The following ZNF778 variants were observed in gnomAD, a reference collection of about 807,000 sequenced individuals.
ZNF778 encodes the protein zinc finger protein 778.
Under a neutral mutation model 23.9 loss-of-function variants are expected in ZNF778, and 37 were observed. The observed-to-expected ratio is 1.54, with a 90% CI of 1.19 to 2.03. The LOEUF is 2.03. Ranked by LOEUF, ZNF778 falls within the 30% of genes most tolerant of loss-of-function variation. The pLI, the probability that ZNF778 is intolerant of heterozygous loss-of-function variation, is 0.00. For missense variants in ZNF778, 1,297 were observed against 934.4 expected (o/e 1.39, Z -5.06); for synonymous variants, 483 against 343.9 (o/e 1.40, Z -4.48).
Position 89,227,464 on chromosome 16 carries a change from C to A in ZNF778, c.1176C>A (p.Pro392=). The change falls in exon 7 of 7, where the codon CCC becomes CCA. Residue 392 remains proline, a synonymous_variant. Coordinates refer to ENST00000433976, the MANE Select transcript of ZNF778 (RefSeq NM_001201407.2). ...GAAAAACTCACACGAGGGAGAAGCC[C>A]TTTGCATGTGTGGTTTGCGGAAAAT... The part of the protein sequence containing the change: ...EHGKTHTREK[P]FACVVCGKYF... 6.2e-7 allele frequency: 1 copy of A among 1,613,764 alleles called. No individual in the cohort carries two copies. Among genetic ancestry groups the A allele is most frequent in the Admixed American group, 1.7e-5 (1 of 59,978 alleles).
chr16:89,227,314 C>T lies in ZNF778; in HGVS notation c.1026C>T (p.Cys342=), dbSNP rs200541139. ...AAEKPCECKE[C]GKAFTGLSGL... ...AGAAACCCTGTGAATGTAAAGAATG[C>T]GGAAAAGCCTTCACTGGACTCTCAG... The change falls in exon 7 of 7, where the codon TGC becomes TGT. Residue 342 remains cysteine, a synonymous_variant. Transcript: ENST00000433976. 1.1e-3 allele frequency: 1,779 copies of T among 1,613,810 alleles called. 4 individuals carry two copies. The highest frequency in any genetic ancestry group is 1.1e-3 in the East Asian group (50 of 44,870).
In ZNF778 at chr16:89,233,669, A is replaced by G. The variant is rs1411962705; in HGVS notation, c.*5107A>G. The G allele has an allele frequency of 4.7e-6, 6 of 1,284,812 alleles. No individual in the cohort carries two copies. Among genetic ancestry groups the G allele is most frequent in the Admixed American group, 2.3e-5 (1 of 43,240 alleles). The allele number at this position is 1,284,812 out of a possible 1,614,324, so 79.6% of individuals were successfully genotyped here. ...GCTCTGCATATGCAATTCAACTCGC[A>G]CTGCGTATGCAAATCAACTTACTGC... On this transcript the variant is annotated 3_prime_UTR_variant, in exon 7 of 7. Transcript: ENST00000433976.
At position 89,225,766 on chromosome 16, in the gene ZNF778, C is replaced by T. The variant is rs2031422078; in HGVS notation, c.405+135C>T. 3.8e-6 allele frequency: 3 copies of T among 796,524 alleles called. No individual in the cohort carries two copies. In the African/African-American group the frequency reaches 5.3e-5, roughly 14 times the overall value. 49.3% of individuals were successfully genotyped at this position (796,524 alleles called of 1,614,324 possible). A position where few individuals can be genotyped will look rare whatever the true frequency, so the allele number is the denominator to read the frequency against. ...AGGCAGGGGTTGTCTGTAGAGAACA[C>T]TCTGAATGTGCGGAATTTGGGAGGA... On this transcript the variant is annotated intron_variant, in intron 6 of 6. Coordinates refer to ENST00000433976, the MANE Select transcript of ZNF778 (RefSeq NM_001201407.2).
chr16:89,231,124 T>C lies in ZNF778; in HGVS notation c.*2562T>C, dbSNP rs1427565538. 2 of 152,296 alleles carry C rather than the reference T, an allele frequency of 1.3e-5. No homozygotes were observed. Among genetic ancestry groups the C allele is most frequent in the African/African-American group, 2.4e-5 (1 of 41,460 alleles). The allele number at this position is 152,296 out of a possible 1,614,324, so 9.4% of individuals were successfully genotyped here. A position where few individuals can be genotyped will look rare whatever the true frequency, so the allele number is the denominator to read the frequency against. On this transcript the variant is annotated 3_prime_UTR_variant, in exon 7 of 7. Coordinates refer to ENST00000433976, the MANE Select transcript of ZNF778 (RefSeq NM_001201407.2). ...GTTGTGCCATGTTTCTCTTGTGGGA[T>C]TGAGTGTGGCTATTTAGCTCATCTG...
In ZNF778 at chr16:89,227,737, G is replaced by C; in HGVS notation, c.1449G>C (p.Gly483=). The C allele has an allele frequency of 6.2e-7, 1 of 1,613,792 alleles. No individual in the cohort carries two copies. Among genetic ancestry groups the C allele is most frequent in the Non-Finnish European group, 8.5e-7 (1 of 1,179,906 alleles). ...GEKPYECKDC[G]KSFTVSSSLT... is the part of the protein sequence containing the mutation. ...AACCATATGAATGTAAAGATTGTGG[G>C]AAATCCTTCACTGTTTCTTCAAGCC... is the stretch of plus-strand genomic sequence containing the variant. Residue 483 remains glycine, a synonymous_variant, in exon 7 of 7, where the codon GGG becomes GGC. Transcript: ENST00000433976.
At position 89,228,543 on chromosome 16, in the gene ZNF778, C is replaced by G; in HGVS notation, c.2255C>G (p.Thr752Ser). The change falls in exon 7 of 7, where the codon ACT becomes AGT. Residue 752 changes from threonine (T) to serine (S), a missense_variant. Physicochemically the swap from Thr to Ser is moderately conservative, Grantham distance 58. Transcript: ENST00000433976. ...CTTAACCATCACACTCAAATTCACACTGATGAGAAACCTTTCTAATGTAAA... is the reference window on the plus strand; with the variant it reads ...CTTAACCATCACACTCAAATTCACAGTGATGAGAAACCTTTCTAATGTAAA... Reference protein sequence around the residue: ...SCLNHHTQIHTDEKPF With the variant: ...SCLNHHTQIHSDEKPF The G allele has an allele frequency of 6.3e-7, 1 of 1,588,894 alleles. No homozygotes were observed. Among genetic ancestry groups the G allele is most frequent in the African/African-American group, 1.4e-5 (1 of 73,766 alleles).
rs527406821 is a variant in ZNF778 at position 89,228,410 on chromosome 16, A to C, written c.2122A>C (p.Lys708Gln). 21 of 1,613,880 alleles carry C rather than the reference A, an allele frequency of 1.3e-5. No individual in the cohort carries two copies. In the East Asian group the frequency reaches 4.5e-4, roughly 34 times the overall value. The change falls in exon 7 of 7, where the codon AAA (lysine) becomes CAA (glutamine). Residue 708 changes from lysine to glutamine, a missense_variant. Physicochemically the swap from Lys to Gln is moderately conservative, Grantham distance 53 (BLOSUM62 1). Transcript: ENST00000433976. ...QKPYKCKECG[K>Q]AYNRFYLLKE... is the part of the protein sequence containing the mutation. The stretch of plus-strand genomic sequence containing the variant: ...ACCCTATAAATGTAAGGAATGTGGG[A>C]AAGCATACAATAGGTTTTATCTACT...
chr16:89,233,606 C>CGT lies in ZNF778; in HGVS notation c.*5044_*5045insGT, dbSNP rs2032116486. On this transcript the variant is annotated 3_prime_UTR_variant, in exon 7 of 7. Coordinates refer to ENST00000433976, the MANE Select transcript of ZNF778 (RefSeq NM_001201407.2). ...ATGCAACGCAACTCAACTCATACTG[C>CGT]ATATGCAACTCAACTCACACTGTAT... is the stretch of plus-strand genomic sequence containing the variant. The CGT allele has an allele frequency of 8.8e-7, 1 of 1,130,678 alleles. No homozygotes were observed. Among genetic ancestry groups the CGT allele is most frequent in the Non-Finnish European group, 1.2e-6 (1 of 865,030 alleles). 70.0% of individuals were successfully genotyped at this position (1,130,678 alleles called of 1,614,324 possible). A position where few individuals can be genotyped will look rare whatever the true frequency, so the allele number is the denominator to read the frequency against.
Position 89,232,615 on chromosome 16 carries a change from TA to T in ZNF778, c.*4054del. 1.7e-6 allele frequency: 2 copies of T among 1,193,418 alleles called. No homozygotes were observed. Among genetic ancestry groups the T allele is most frequent in the Non-Finnish European group, 2.1e-6 (2 of 945,134 alleles). The allele number at this position is 1,193,418 out of a possible 1,614,324, so 73.9% of individuals were successfully genotyped here. On this transcript the variant is annotated 3_prime_UTR_variant, in exon 7 of 7. Transcript: ENST00000433976. The stretch of plus-strand genomic sequence containing the variant: ...GAGGGTTCCTCAGAGTAAGATAAAA[TA>T]TTAAAGGACCAATTGTATTAATTAT...
At chr16:89,221,193 G>T in intron 2 of ZNF778, 41 bp downstream of exon 2, 1 of 1,466,844 alleles carries the variant, frequency 6.8e-7, no homozygotes, top group Non-Finnish European at 9.1e-7. Context: ...CTCTGCTCTA[G>T]GTCCTGATAC....
rs760056906 is a variant in ZNF778 at position 89,228,331 on chromosome 16, C to A, written c.2043C>A (p.Ala681=). 3 of 1,613,788 alleles carry A rather than the reference C, an allele frequency of 1.9e-6. No homozygotes were observed. Among genetic ancestry groups the A allele is most frequent in the Non-Finnish European group, 1.7e-6 (2 of 1,179,748 alleles). The change falls in exon 7 of 7, where the codon GCC becomes GCA. Residue 681 remains alanine (A), a synonymous_variant. Coordinates refer to ENST00000433976, the MANE Select transcript of ZNF778 (RefSeq NM_001201407.2). ...ACATATGTAACGAGTGTGGGAAAGCCTTCCGTGCCTCCTCTCACCTGCATA... is the reference window on the plus strand; with the variant it reads ...ACATATGTAACGAGTGTGGGAAAGCATTCCGTGCCTCCTCTCACCTGCATA... ...KPYICNECGK[A]FRASSHLHKH...
chr16:89,222,726 C>G (rs1248937645), intron 3 of ZNF778, among the ~76,000 whole-genome samples: 3 of 152,218 alleles, frequency 2.0e-5, no homozygotes, highest in Non-Finnish European at 4.4e-5. Flanking sequence ...GCTTAGTGCT[C>G]TGACACATGG....
At chr16:89,219,218 C>A (rs1010454664) in intron 1 of ZNF778, among the ~76,000 whole-genome samples, 1 of 152,224 alleles carries the variant, frequency 6.6e-6, no homozygotes, top group African/African-American at 2.4e-5. Flanking sequence ...ATTTTGGGGA[C>A]TAAGAGCCCT....
chr16:89,223,653 G>A (rs980081053), intron 4 of ZNF778, among the ~76,000 whole-genome samples: 7 of 152,210 alleles, frequency 4.6e-5, no homozygotes, highest in African/African-American at 1.4e-4. Flanking sequence ...TTGCACTTCT[G>A]TTATTTCCTA....
In ZNF778 at chr16:89,232,183, G is replaced by A. The variant is rs1403939817; in HGVS notation, c.*3621G>A. Reference sequence around the variant, plus strand: ...TGGTTGGATACCATTCATTCTTGCTGTGTCAAGCCTGGATTGGTTTGTAGG... The same window carrying A: ...TGGTTGGATACCATTCATTCTTGCTATGTCAAGCCTGGATTGGTTTGTAGG... On this transcript the variant is annotated 3_prime_UTR_variant, in exon 7 of 7. Transcript: ENST00000433976. 1.2e-5 allele frequency: 2 copies of A among 167,162 alleles called. No individual in the cohort carries two copies. Among genetic ancestry groups the A allele is most frequent in the African/African-American group, 2.4e-5 (1 of 41,648 alleles). The allele number at this position is 167,162 out of a possible 1,614,324, so 10.4% of individuals were successfully genotyped here. A position where few individuals can be genotyped will look rare whatever the true frequency, so the allele number is the denominator to read the frequency against.
chr16:89,230,735 G>A lies in ZNF778; in HGVS notation c.*2173G>A, dbSNP rs2031877486. On this transcript the variant is annotated 3_prime_UTR_variant, in exon 7 of 7. Transcript: ENST00000433976. Reference sequence around the variant, plus strand: ...GGGTTATGTTTTTTGTGGCCATCAGGGCAGCAGCTGCTTGGTGACTGTTTC... The same window carrying A: ...GGGTTATGTTTTTTGTGGCCATCAGAGCAGCAGCTGCTTGGTGACTGTTTC... 1 of 152,302 alleles carries A rather than the reference G, an allele frequency of 6.6e-6. No individual in the cohort carries two copies. Among genetic ancestry groups the A allele is most frequent in the South Asian group, 2.1e-4 (1 of 4,830 alleles). The allele number at this position is 152,302 out of a possible 1,614,324, so 9.4% of individuals were successfully genotyped here.
chr16:89,221,281 C>T (rs1053105490), intron 2 of ZNF778, 129 bp downstream of exon 2: 3 of 1,083,356 alleles, frequency 2.8e-6, no homozygotes, highest in Non-Finnish European at 4.0e-6. Context: ...TGGAGTGAGC[C>T]AGAGAATGCT....
rs1044696653 is a variant in ZNF778 at position 89,235,311 on chromosome 16, C to T, written c.*6749C>T. The stretch of plus-strand genomic sequence containing the variant: ...CGAGTGGGAAACAGGTGTCCTAACA[C>T]TGTGAGAGAAAAAATCCGAAAGTTT... On this transcript the variant is annotated 3_prime_UTR_variant, in exon 7 of 7. Coordinates refer to ENST00000433976, the MANE Select transcript of ZNF778 (RefSeq NM_001201407.2). 1 of 152,182 alleles carries T rather than the reference C, an allele frequency of 6.6e-6. No homozygotes were observed. Among genetic ancestry groups the T allele is most frequent in the African/African-American group, 2.4e-5 (1 of 41,452 alleles). 9.4% of individuals were successfully genotyped at this position (152,182 alleles called of 1,614,324 possible). A position where few individuals can be genotyped will look rare whatever the true frequency, so the allele number is the denominator to read the frequency against.
At chr16:89,221,729 GTGTC>G (rs1020927654) in intron 2 of ZNF778, among the ~76,000 whole-genome samples, 53 of 151,638 alleles carry the variant, frequency 3.5e-4, no homozygotes, top group African/African-American at 1.2e-3. Context: ...ATGGCTGTGT[GTGTC>G]TTTTCCTGAG....
Sources: gnomAD v4.1 joint callset for allele counts (sites outside exome capture counted in the v4.1 genomes callset) on GRCh38, gnomAD v4.1.1 for gene constraint, MANE v1.5 for transcripts, NCBI Gene and HGNC (gene_info 2026-07-23, HGNC 2026-07-21) for gene names.